Variants in ADD3 observed in about 807,000 individuals in gnomAD.
ADD3 encodes the protein gamma-adducin.
In ADD3, 25 loss-of-function variants were observed where a neutral mutation model predicts 80.2. That is an observed-to-expected ratio of 0.31 (90% confidence interval 0.23 to 0.44). The LOEUF is 0.44. ADD3 is among the 20% of genes least tolerant of loss of function. ADD3 has a pLI of 1.00. For missense variants in ADD3, 829 were observed against 847.5 expected (o/e 0.98, Z 0.27); for synonymous variants, 284 against 289.6 (o/e 0.98, Z 0.20).
At chr10:110,019,479 C>T (rs367953722) in intron 1 of ADD3, among the ~76,000 whole-genome samples, 3 of 151,862 alleles carry the variant, frequency 2.0e-5, no homozygotes, top group South Asian at 4.2e-4. Flanking sequence ...CTCAGCCTCC[C>T]GAGTAGCTGG....
At chr10:110,099,840 T>A (rs1848599678) in intron 1 of ADD3, among the ~76,000 whole-genome samples, 1 of 152,256 alleles carries the variant, frequency 6.6e-6, no homozygotes. Context: ...TATAACTACT[T>A]TTTAAAAATT....
chr10:110,034,376 T>C (rs937001008), intron 1 of ADD3, among the ~76,000 whole-genome samples: 2 of 151,954 alleles, frequency 1.3e-5, no homozygotes, highest in African/African-American at 2.4e-5. Context: ...AATTTTCCTT[T>C]TGTTTCAAAA....
At chr10:110,089,046 G>T (rs1847148501) in intron 1 of ADD3, among the ~76,000 whole-genome samples, 1 of 152,058 alleles carries the variant, frequency 6.6e-6, no homozygotes, top group African/African-American at 2.4e-5. Context: ...ATTGGAATTT[G>T]GGGAAGTTAA....
chr10:110,066,840 TC>T (rs1430902736), intron 1 of ADD3, among the ~76,000 whole-genome samples: 1 of 152,240 alleles, frequency 6.6e-6, no homozygotes, highest in Non-Finnish European at 1.5e-5. Context: ...AACGAGTATT[TC>T]CATGAGCGTT....
At chr10:110,130,339 C>G (rs191184780) in intron 12 of ADD3, 24 bp from the exon 13 acceptor site, 1 of 1,609,378 alleles carries the variant, frequency 6.2e-7, no homozygotes, top group Non-Finnish European at 8.5e-7. Context: ...GGTAATGAAT[C>G]GATTTTTATT....
intron 1 of ADD3, among the ~76,000 whole-genome samples, chr10:110,015,362 A>G (rs1478706750): frequency 6.6e-6 from 1 of 151,658 alleles, no homozygotes. Context: ...ACTAATTTTC[A>G]TATTAGAATG....
intron 8 of ADD3, 183 bp from the exon 9 acceptor site, chr10:110,121,927 A>C (rs1851551653): frequency 2.2e-6 from 1 of 463,218 alleles, no homozygotes; most frequent in African/African-American, 2.0e-5. Flanking sequence ...TTTCTTTTTC[A>C]GATAGGTGGA....
At chr10:110,027,930 G>T (rs770353167) in intron 1 of ADD3, among the ~76,000 whole-genome samples, 2 of 152,224 alleles carry the variant, frequency 1.3e-5, no homozygotes, top group Non-Finnish European at 2.9e-5. Context: ...ATGCTTAAGT[G>T]AGAGGAGAGC....
Position 110,119,630 on chromosome 10 carries a change from C to G in ADD3, c.960+66C>G. On this transcript the variant is annotated intron_variant, in intron 8 of 14. Transcript: ENST00000356080. ...TGCTCGTTTAGTTGGATTTTGTGTA[C>G]TTATTTGCAAATACATATTAGTTAG... The G allele has an allele frequency of 2.9e-6, 4 of 1,398,696 alleles. No individual in the cohort carries two copies. The Admixed American group carries it at 7.2e-5, about 25-fold the overall frequency. 86.6% of individuals were successfully genotyped at this position (1,398,696 alleles called of 1,614,324 possible).
At chr10:110,101,199 TTTC>T (rs1848771992) in intron 2 of ADD3, among the ~76,000 whole-genome samples, 1 of 152,246 alleles carries the variant, frequency 6.6e-6, no homozygotes. Context: ...ATGCACGTAT[TTTC>T]TTCTTCCTTT....
chr10:110,027,191 A>T (rs1449109418), intron 1 of ADD3, among the ~76,000 whole-genome samples: 1 of 152,230 alleles, frequency 6.6e-6, no homozygotes, highest in Non-Finnish European at 1.5e-5. Flanking sequence ...ATTTCTGATG[A>T]GAGTAATAAT....
chr10:110,049,100 G>A (rs1857211131), intron 1 of ADD3, among the ~76,000 whole-genome samples: 1 of 152,218 alleles, frequency 6.6e-6, no homozygotes, highest in Non-Finnish European at 1.5e-5. Context: ...AGCTCATGCT[G>A]TGGCCTCAGA....
At chr10:110,076,341 T>C (rs750081024) in intron 1 of ADD3, among the ~76,000 whole-genome samples, 2 of 152,186 alleles carry the variant, frequency 1.3e-5, no homozygotes, top group Non-Finnish European at 2.9e-5. Context: ...TGGAAAACTT[T>C]TTAAAATAAA....
chr10:110,089,178 A>T (rs114521574), intron 1 of ADD3, among the ~76,000 whole-genome samples: 9 of 151,554 alleles, frequency 5.9e-5, no homozygotes, highest in Admixed American at 2.0e-4. Flanking sequence ...AAATAAAAAT[A>T]AAAAAAAAGC....
intron 9 of ADD3, 92 bp downstream of exon 9, chr10:110,122,384 T>C: frequency 8.6e-7 from 1 of 1,166,102 alleles, no homozygotes; most frequent in East Asian, 2.4e-5. Flanking sequence ...TCCATACTCT[T>C]CCAGAAGCTG....
intron 1 of ADD3, among the ~76,000 whole-genome samples, chr10:110,049,497 G>A (rs990932539): frequency 1.3e-5 from 2 of 152,192 alleles, no homozygotes; most frequent in Non-Finnish European, 2.9e-5. Flanking sequence ...AAGCCACAGG[G>A]GCGGAGCTGC....
intron 1 of ADD3, among the ~76,000 whole-genome samples, chr10:110,066,957 A>C (rs1024983314): frequency 6.6e-6 from 1 of 152,224 alleles, no homozygotes; most frequent in Non-Finnish European, 1.5e-5. Flanking sequence ...ACAAACTGGT[A>C]AGCCAAAATA....
At chr10:110,084,297 A>T (rs994917875) in intron 1 of ADD3, among the ~76,000 whole-genome samples, 11 of 152,230 alleles carry the variant, frequency 7.2e-5, no homozygotes, top group African/African-American at 2.2e-4. Context: ...TTGTATATTA[A>T]TCATGAGCAC....
intron 3 of ADD3, among the ~76,000 whole-genome samples, chr10:110,114,690 G>T (rs1850475135): frequency 6.6e-6 from 1 of 152,186 alleles, no homozygotes; most frequent in Non-Finnish European, 1.5e-5. Flanking sequence ...GCAAAGTAAG[G>T]AGAAGAGAGA....
Sources: allele counts gnomAD v4.1 joint callset (sites outside exome capture counted in the v4.1 genomes callset), GRCh38; gene constraint gnomAD v4.1.1; transcripts MANE v1.5; gene names NCBI Gene and HGNC (gene_info 2026-07-23, HGNC 2026-07-21).